Variants in ANKRD31 observed in about 807,000 individuals in gnomAD.
ANKRD31 encodes the protein ankyrin repeat domain 31, also known as ankyrin repeat domain-containing protein 31.
ANKRD31 carries 147 observed loss-of-function variants against 186.0 expected under a neutral mutation model. The observed-to-expected ratio is 0.79, with a 90% CI of 0.69 to 0.91. The LOEUF (loss-of-function observed/expected upper bound fraction) is 0.91, where lower values mean the gene tolerates loss of function less well. Among genes scored for constraint, ANKRD31 ranks in the 40% least tolerant of loss-of-function variants. The probability of loss-of-function intolerance (pLI) is 0.00; values close to 1 mark genes in which losing one functional copy is unlikely to be tolerated. For missense variants in ANKRD31, 1,986 were observed against 2,148.8 expected, an observed-to-expected ratio of 0.92 and a Z score of 1.50; for synonymous variants, 673 against 736.4, an observed-to-expected ratio of 0.91 and a Z score of 1.39.
At chr5:75,116,976 G>C (rs1219179336) in intron 18 of ANKRD31, among the ~76,000 whole-genome samples, 1 of 152,156 alleles carries the variant, frequency 6.6e-6, no homozygotes, top group East Asian at 1.9e-4. Flanking sequence ...GAGGCTTAGA[G>C]GGGTTCAAGA....
At chr5:75,152,335 G>A (rs1751894058) in intron 12 of ANKRD31, among the ~76,000 whole-genome samples, 1 of 152,040 alleles carries the variant, frequency 6.6e-6, no homozygotes, top group Non-Finnish European at 1.5e-5. Context: ...GCAGAGGATA[G>A]GTTTCCACCG....
intron 11 of ANKRD31, among the ~76,000 whole-genome samples, chr5:75,165,155 T>C (rs1258285006): frequency 6.6e-6 from 1 of 152,086 alleles, no homozygotes; most frequent in Non-Finnish European, 1.5e-5. Flanking sequence ...ATGGACCATG[T>C]GATCATAAAG....
At chr5:75,229,035 A>T (rs1757796968) in intron 2 of ANKRD31, among the ~76,000 whole-genome samples, 1 of 150,772 alleles carries the variant, frequency 6.6e-6, no homozygotes, top group Admixed American at 6.7e-5. Flanking sequence ...TCTATTTCAC[A>T]CTTATTTCCA....
chr5:75,164,801 T>A (rs889507098), intron 11 of ANKRD31, among the ~76,000 whole-genome samples: 1 of 152,246 alleles, frequency 6.6e-6, no homozygotes, highest in Non-Finnish European at 1.5e-5. Flanking sequence ...CAATGCATTC[T>A]GTATTTTCTT....
intron 12 of ANKRD31, 53 bp downstream of exon 12, chr5:75,154,148 T>A: frequency 7.5e-7 from 1 of 1,324,582 alleles, no homozygotes; most frequent in African/African-American, 1.5e-5. Context: ...AAATTAAATT[T>A]CTGTAACTTC....
At chr5:75,136,434 C>T (rs1750582447) in intron 17 of ANKRD31, among the ~76,000 whole-genome samples, 1 of 152,168 alleles carries the variant, frequency 6.6e-6, no homozygotes, top group Non-Finnish European at 1.5e-5. Flanking sequence ...CACTGGCCAT[C>T]AGAGAAATGA....
chr5:75,071,908 G>A (rs1228447568), intron 25 of ANKRD31, among the ~76,000 whole-genome samples: 1 of 152,132 alleles, frequency 6.6e-6, no homozygotes, highest in African/African-American at 2.4e-5. Flanking sequence ...TGCAGAGCAG[G>A]GAGGCCTCTA....
intron 2 of ANKRD31, among the ~76,000 whole-genome samples, chr5:75,223,850 A>G (rs538111434): frequency 2.0e-5 from 3 of 152,126 alleles, no homozygotes; most frequent in East Asian, 1.9e-4. Flanking sequence ...CCTTATAAAA[A>G]GAGAGAGAAA....
At position 75,138,840 on chromosome 5, in the gene ANKRD31, C is replaced by T. The variant is rs1750802540; in HGVS notation, c.3733+6G>A. 1 of 1,535,102 alleles carries T rather than the reference C, an allele frequency of 6.5e-7. No homozygotes were observed. Among genetic ancestry groups the T allele is most frequent in the African/African-American group, 1.4e-5 (1 of 73,028 alleles). Reference sequence around the variant, plus strand: ...ATAAAGGTAATTAAATTAAAAGGATCCAAACCTGCATTATCATTTAGATTC... The same window carrying T: ...ATAAAGGTAATTAAATTAAAAGGATTCAAACCTGCATTATCATTTAGATTC... On this transcript the variant is annotated splice_donor_region_variant and intron_variant, in intron 16 of 25. Transcript: ENST00000506364.
chr5:75,080,116 T>C (rs1290192319), intron 25 of ANKRD31, among the ~76,000 whole-genome samples: 1 of 151,076 alleles, frequency 6.6e-6, no homozygotes, highest in Non-Finnish European at 1.5e-5. Flanking sequence ...AAAGAAACAG[T>C]AAGTTCAGAT....
chr5:75,148,505 C>T (rs1030364090), intron 13 of ANKRD31, 71 bp downstream of exon 13: 3 of 1,096,798 alleles, frequency 2.7e-6, no homozygotes, highest in African/African-American at 3.2e-5. Flanking sequence ...CTTTCTCTTC[C>T]CTTTGACAAT....
chr5:75,226,270 G>A (rs1369968563), intron 2 of ANKRD31, among the ~76,000 whole-genome samples: 1 of 152,222 alleles, frequency 6.6e-6, no homozygotes, highest in African/African-American at 2.4e-5. Flanking sequence ...AGCCTGGCTG[G>A]TTTTGTTACC....
Position 75,193,551 on chromosome 5 carries a change from G to C in ANKRD31, c.1058C>G (p.Ala353Gly), listed in dbSNP as rs965767621. Residue 353 changes from alanine to glycine, a missense_variant, in exon 8 of 26, where the codon GCT becomes GGT. By Grantham distance (60) the Ala-to-Gly change is moderately conservative. Coordinates refer to ENST00000506364, the MANE Select transcript of ANKRD31 (RefSeq NM_001372053.1). Reference protein sequence around the residue: ...DPNPSGLQTLAHQNITSCEPL... With the variant: ...DPNPSGLQTLGHQNITSCEPL... The stretch of plus-strand genomic sequence containing the variant: ...CTCACAAGAAGTGATATTTTGATGA[G>C]CCAAAGTTTGCAATCCAGATGGATT... The C allele has an allele frequency of 6.5e-7, 1 of 1,536,502 alleles. No homozygotes were observed. The highest frequency in any genetic ancestry group is 1.4e-5 in the African/African-American group (1 of 72,992).
intron 22 of ANKRD31, among the ~76,000 whole-genome samples, chr5:75,093,358 T>G (rs902251455): frequency 2.6e-5 from 4 of 152,106 alleles, no homozygotes; most frequent in Admixed American, 1.3e-4. Flanking sequence ...GGCAAGCTCC[T>G]GTAATTCCAG....
chr5:75,129,187 C>T (rs912183822), intron 17 of ANKRD31, among the ~76,000 whole-genome samples: 2 of 152,168 alleles, frequency 1.3e-5, no homozygotes, highest in Non-Finnish European at 2.9e-5. Flanking sequence ...CTCTGCTCCA[C>T]CATGTGAATA....
chr5:75,138,588 C>G (rs1230595280), intron 16 of ANKRD31, among the ~76,000 whole-genome samples: 1 of 152,124 alleles, frequency 6.6e-6, no homozygotes, highest in African/African-American at 2.4e-5. Flanking sequence ...AGGAAAAGGC[C>G]TAACTCCCTT....
chr5:75,091,105 T>G (rs1745888960), intron 23 of ANKRD31, among the ~76,000 whole-genome samples, 156 bp downstream of exon 23: 1 of 152,246 alleles, frequency 6.6e-6, no homozygotes, highest in Admixed American at 6.5e-5. Flanking sequence ...GTGACATGCA[T>G]GTAGCATGAT....
At chr5:75,217,258 G>T (rs1466759626) in intron 3 of ANKRD31, among the ~76,000 whole-genome samples, 1 of 152,152 alleles carries the variant, frequency 6.6e-6, no homozygotes, top group Non-Finnish European at 1.5e-5. Context: ...CAAGTGTTGA[G>T]TTCAGGTCCT....
chr5:75,211,174 C>G (rs932095056), intron 3 of ANKRD31, among the ~76,000 whole-genome samples: 1 of 152,210 alleles, frequency 6.6e-6, no homozygotes, highest in African/African-American at 2.4e-5. Context: ...CTCCACAACC[C>G]ATGGCAGCCA....
Sources: allele counts gnomAD v4.1 joint callset (sites outside exome capture counted in the v4.1 genomes callset), GRCh38; gene constraint gnomAD v4.1.1; transcripts MANE v1.5; gene names NCBI Gene and HGNC (gene_info 2026-07-23, HGNC 2026-07-21).